Variants in PCBP3 observed in about 807,000 individuals in gnomAD.
The protein encoded by PCBP3 is poly(rC) binding protein 3, also known as poly(rC)-binding protein 3.
A neutral mutation model predicts 52.7 loss-of-function variants in PCBP3; 25 were observed. The observed-to-expected ratio is 0.47, with a 90% CI of 0.35 to 0.66. PCBP3 has a LOEUF of 0.66. Ranked by LOEUF, PCBP3 falls within the 30% of genes least tolerant of loss-of-function variation. PCBP3 has a pLI of 0.01. For missense variants in PCBP3, 391 were observed against 490.3 expected, an observed-to-expected ratio of 0.80 and a Z score of 1.91; for synonymous variants, 162 against 183.0, an observed-to-expected ratio of 0.89 and a Z score of 0.93.
At chr21:45,734,098 G>A (rs2085667248) in intron 2 of PCBP3, among the ~76,000 whole-genome samples, 2 of 152,208 alleles carry the variant, frequency 1.3e-5, no homozygotes, top group Admixed American at 1.3e-4. Context: ...TACTTGGAAA[G>A]TTCAGATTTT....
intron 2 of PCBP3, chr21:45,728,589 A>G (rs956675009): frequency 6.6e-6 from 1 of 152,186 alleles, no homozygotes; most frequent in African/African-American, 2.4e-5. Context: ...TATAGAATGA[A>G]TTGGGAAGTA....
rs538053562 is a variant in PCBP3 at position 45,880,927 on chromosome 21, A to C, written c.11-15281A>C. On this transcript the variant is annotated intron_variant, in intron 5 of 17. Coordinates refer to ENST00000681687, the MANE Select transcript of PCBP3 (RefSeq NM_001384156.1). The surrounding 1 kb of genome is among the most constrained non-coding windows in gnomAD (Gnocchi z 5.4). ...ACAGCACAGCAGTGGGAAGGTACCC[A>C]GGGGCTTCAGCACGGGGTGAGTCCA... Among the ~76,000 whole-genome samples the C allele has an allele frequency of 6.6e-6, 1 of 152,270 alleles. No homozygotes were observed. The highest frequency in any genetic ancestry group is 1.9e-4 in the East Asian group (1 of 5,164).
intron 3 of PCBP3, among the ~76,000 whole-genome samples, chr21:45,738,341 G>A (rs1458324123): frequency 1.4e-5 from 2 of 146,000 alleles, no homozygotes; most frequent in Non-Finnish European, 1.5e-5. Flanking sequence ...TTCAAGCTCC[G>A]CCTCCCGGGT....
At chr21:45,655,259 C>T (rs2079940348) in intron 1 of PCBP3, among the ~76,000 whole-genome samples, 1 of 151,874 alleles carries the variant, frequency 6.6e-6, no homozygotes, top group Admixed American at 6.6e-5. Context: ...CTCTGTTTAA[C>T]TTTTTGAATA....
intron 2 of PCBP3, among the ~76,000 whole-genome samples, chr21:45,688,305 A>G (rs1569117944): frequency 6.6e-6 from 1 of 152,222 alleles, no homozygotes; most frequent in Non-Finnish European, 1.5e-5. Flanking sequence ...AACATGAAAA[A>G]GTGTTAAATA....
chr21:45,709,208 TC>T (rs2083662860), intron 2 of PCBP3, among the ~76,000 whole-genome samples: 1 of 152,252 alleles, frequency 6.6e-6, no homozygotes, highest in Non-Finnish European at 1.5e-5. Context: ...TGCTAGCCTG[TC>T]TTCGGAACAT....
intron 4 of PCBP3, among the ~76,000 whole-genome samples, chr21:45,772,990 G>T (rs778623760): frequency 7.2e-5 from 11 of 152,064 alleles, no homozygotes; most frequent in Non-Finnish European, 1.5e-5. Flanking sequence ...TCTGTCAGAA[G>T]AATAATTTGC....
intron 1 of PCBP3, among the ~76,000 whole-genome samples, chr21:45,666,433 T>C (rs2080800631): frequency 1.3e-5 from 2 of 152,232 alleles, no homozygotes; most frequent in African/African-American, 4.8e-5. Context: ...ATTATAGTTA[T>C]ATCTTTACTG....
chr21:45,664,190 A>G (rs2080618512), intron 1 of PCBP3, among the ~76,000 whole-genome samples: 1 of 126,842 alleles, frequency 7.9e-6, no homozygotes, highest in Non-Finnish European at 1.7e-5. Flanking sequence ...AAAAGAAGTC[A>G]GAAAGAAATC....
intron 5 of PCBP3, among the ~76,000 whole-genome samples, chr21:45,888,861 G>A (rs932614588): frequency 6.6e-6 from 1 of 151,222 alleles, no homozygotes; most frequent in African/African-American, 2.4e-5. Flanking sequence ...TACATGGAAC[G>A]ATTATAAAGT....
At chr21:45,891,485 G>A (rs2095661603) in intron 5 of PCBP3, among the ~76,000 whole-genome samples, 1 of 152,178 alleles carries the variant, frequency 6.6e-6, no homozygotes, top group African/African-American at 2.4e-5. Flanking sequence ...AGACACAAAA[G>A]AATACTTACG....
At chr21:45,750,876 G>A (rs1454571772) in intron 3 of PCBP3, 3 of 124,804 alleles carry the variant, frequency 2.4e-5, no homozygotes, top group Admixed American at 8.3e-5. Flanking sequence ...ATACATGTAA[G>A]TGTGTGTGTG....
intron 5 of PCBP3, chr21:45,873,059 G>A (rs73382517): frequency 0.19 from 28,694 of 152,032 alleles, 3,270 homozygotes; most frequent in African/African-American, 0.33. Context: ...TGATACGGGC[G>A]AGCGGGGCGG....
At chr21:45,657,316 G>A (rs756682596) in intron 1 of PCBP3, among the ~76,000 whole-genome samples, 4 of 152,084 alleles carry the variant, frequency 2.6e-5, no homozygotes, top group Admixed American at 6.6e-5. Context: ...TCTTTGGTGC[G>A]TTTTGAGTTA....
chr21:45,794,878 G>T (rs368705899), intron 4 of PCBP3, among the ~76,000 whole-genome samples: 2 of 150,904 alleles, frequency 1.3e-5, no homozygotes, highest in East Asian at 4.0e-4. Context: ...GCAGTGAGCC[G>T]AGATTGCGCC....
intron 3 of PCBP3, among the ~76,000 whole-genome samples, chr21:45,740,649 G>A (rs1386064872): frequency 6.6e-6 from 1 of 151,624 alleles, no homozygotes; most frequent in Admixed American, 6.6e-5. Context: ...AAGTGTGTGT[G>A]CATGTGTATT....
chr21:45,692,403 A>C (rs2082538638), intron 2 of PCBP3, among the ~76,000 whole-genome samples: 1 of 152,144 alleles, frequency 6.6e-6, no homozygotes, highest in Non-Finnish European at 1.5e-5. Flanking sequence ...AGATAAAAAA[A>C]AAAAGAAGGC....
intron 5 of PCBP3, chr21:45,871,706 C>T (rs1274520781): frequency 2.6e-5 from 4 of 152,376 alleles, no homozygotes; most frequent in Non-Finnish European, 5.9e-5. Context: ...CCCTTGGCGC[C>T]AGCATGGCGG....
At chr21:45,922,468 T>G (rs538088614) in intron 13 of PCBP3, among the ~76,000 whole-genome samples, 1 of 152,118 alleles carries the variant, frequency 6.6e-6, no homozygotes, top group African/African-American at 2.4e-5. Flanking sequence ...GGTGGGGCAG[T>G]TACCTGAGCT....
Sources: gnomAD v4.1 joint callset for allele counts (sites outside exome capture counted in the v4.1 genomes callset) on GRCh38, gnomAD v4.1.1 for gene constraint, Gnocchi (gnomAD v3.1) non-coding constraint, MANE v1.5 for transcripts, NCBI Gene and HGNC (gene_info 2026-07-23, HGNC 2026-07-21) for gene names.